The following TJP3 variants were observed in gnomAD, a reference collection of about 807,000 sequenced individuals.
TJP3 encodes tight junction protein ZO-3.
In TJP3, 85 loss-of-function variants were observed where a neutral mutation model predicts 104.2. The observed-to-expected ratio is 0.82, with a 90% CI of 0.68 to 0.98. TJP3 has a LOEUF of 0.98. Ranked by LOEUF, TJP3 falls within the 50% of genes least tolerant of loss-of-function variation. The pLI, the probability that TJP3 is intolerant of heterozygous loss-of-function variation, is 0.00. For synonymous variants in TJP3, 550 were observed against 550.6 expected (o/e 1.00, Z 0.02); for missense variants, 1,367 against 1,322.8 (o/e 1.03, Z -0.52).
At chr19:3,718,212 A>AGTGTGTGTGTGT (rs71339057) in intron 1 of TJP3, among the ~76,000 whole-genome samples, 2 of 48,254 alleles carry the variant, frequency 4.1e-5, no homozygotes, top group Non-Finnish European at 7.7e-5. Flanking sequence ...AAAAAAAAAA[A>AGTGTGTGTGTGT]GTGTGTGTGT....
intron 11 of TJP3, among the ~76,000 whole-genome samples, chr19:3,736,935 G>T (rs1294109674): frequency 6.7e-6 from 1 of 148,826 alleles, no homozygotes; most frequent in African/African-American, 2.5e-5. Flanking sequence ...GCTGGAGTGC[G>T]GGGGTGTGAT....
At chr19:3,734,955 A>T (rs916806536) in intron 8 of TJP3, among the ~76,000 whole-genome samples, 16 of 150,310 alleles carry the variant, frequency 1.1e-4, no homozygotes, top group Non-Finnish European at 1.9e-4. Context: ...ACTCTGTCTT[A>T]AAAAAAAAAA....
At chr19:3,722,199 C>T (rs2036548621) in intron 1 of TJP3, among the ~76,000 whole-genome samples, 1 of 152,204 alleles carries the variant, frequency 6.6e-6, no homozygotes, top group Non-Finnish European at 1.5e-5. Flanking sequence ...CCCGAATTTT[C>T]TGTCCACTAT....
chr19:3,720,001 CTT>C (rs1405666782), intron 1 of TJP3, among the ~76,000 whole-genome samples: 1 of 152,182 alleles, frequency 6.6e-6, no homozygotes, highest in Non-Finnish European at 1.5e-5. Flanking sequence ...CCACCTGACT[CTT>C]CAAAGTTCTG....
chr19:3,733,025 CTCTTTTT>C (rs2036692018), intron 6 of TJP3, among the ~76,000 whole-genome samples: 1 of 108,676 alleles, frequency 9.2e-6, no homozygotes, highest in African/African-American at 3.0e-5. Context: ...CTTTTCTCTT[CTCTTTTT>C]TCTTTTCTTT....
rs1465457503 is a variant in TJP3, at chr19:3,733,776, C to T, written c.741C>T (p.Asn247=). 1 of 1,614,216 alleles carries T rather than the reference C, an allele frequency of 6.2e-7. No individual in the cohort carries two copies. Among genetic ancestry groups the T allele is most frequent in the Non-Finnish European group, 8.5e-7 (1 of 1,180,032 alleles). Residue 247 remains asparagine (N), a synonymous_variant, in exon 7 of 21, where the codon AAC becomes AAT. Coordinates refer to ENST00000541714, the MANE Select transcript of TJP3 (RefSeq NM_001267560.2). ...ILQINGVSSQ[N]LSLNDTRRLI... is the part of the protein sequence containing the mutation. ...AGATCAACGGGGTGTCTAGCCAGAA[C>T]CTGTCACTGAACGACACCCGGCGAC...
intron 1 of TJP3, among the ~76,000 whole-genome samples, chr19:3,727,017 T>A (rs2036603851): frequency 6.6e-6 from 1 of 151,326 alleles, no homozygotes; most frequent in Non-Finnish European, 1.5e-5. Context: ...AGCCTGGGAG[T>A]TCGAGGCTGC....
chr19:3,711,601 T>C (rs1376676452), intron 1 of TJP3, among the ~76,000 whole-genome samples: 2 of 147,028 alleles, frequency 1.4e-5, no homozygotes, highest in South Asian at 2.3e-4. Flanking sequence ...CTCATACAAA[T>C]ACAAAATGAG....
Position 3,746,899 on chromosome 19 carries a change from T to TGGGG in TJP3, c.2322+23_2322+24insGGGG. 1.7e-6 allele frequency: 2 copies of TGGGG among 1,189,384 alleles called. No homozygotes were observed. The highest frequency in any genetic ancestry group is 2.4e-6 in the Non-Finnish European group (2 of 840,168). The allele number at this position is 1,189,384 out of a possible 1,614,324, so 73.7% of individuals were successfully genotyped here. A position where few individuals can be genotyped will look rare whatever the true frequency, so the allele number is the denominator to read the frequency against. On this transcript the variant is annotated intron_variant, in intron 18 of 20. Transcript: ENST00000541714. This position sits in a 1 kb window ranked among gnomAD's most constrained non-coding sequence, Gnocchi z 4.1. ...CAGGTACTGCCGCGGTGTGGGTGGG[T>TGGGG]CGGGCAGGGAGGCCCCACAGACGCT...
chr19:3,722,872 A>G (rs926139479), intron 1 of TJP3, among the ~76,000 whole-genome samples: 33 of 11,416 alleles, frequency 2.9e-3, no homozygotes, highest in East Asian at 6.2e-3. Context: ...GGGGGGGCAC[A>G]GGGGACGGCG....
intron 1 of TJP3, chr19:3,721,726 G>C (rs2036543618): frequency 2.6e-6 from 1 of 380,690 alleles, no homozygotes; most frequent in African/African-American, 2.1e-5. Context: ...AGGAGGAAGA[G>C]GGGCAGGTGC....
intron 3 of TJP3, among the ~76,000 whole-genome samples, chr19:3,729,757 G>T (rs1456637054): frequency 6.7e-6 from 1 of 148,992 alleles, no homozygotes; most frequent in Non-Finnish European, 1.5e-5. Flanking sequence ...AATCCAGCCT[G>T]GGCAACAGAG....
chr19:3,715,086 TTGGTTGG>T (rs2036464538), intron 1 of TJP3, among the ~76,000 whole-genome samples: 1 of 148,188 alleles, frequency 6.7e-6, no homozygotes, highest in Non-Finnish European at 1.5e-5. Context: ...GTTTGTTTGG[TTGGTTGG>T]TTTTTTTTTT....
chr19:3,741,622 C>G (rs2036821396), intron 14 of TJP3, among the ~76,000 whole-genome samples: 1 of 114,834 alleles, frequency 8.7e-6, no homozygotes. Context: ...TTGACACTGT[C>G]TTCAAAAGAA....
At chr19:3,747,694 C>T (rs2036918096) in intron 18 of TJP3, 100 bp from the exon 19 acceptor site, 15 of 1,388,370 alleles carry the variant, frequency 1.1e-5, no homozygotes, top group Non-Finnish European at 1.4e-5. Context: ...CCAGGCTCCT[C>T]GCCTTGATTT....
chr19:3,739,013 G>T lies in TJP3; in HGVS notation c.1510G>T (p.Val504Leu). The T allele has an allele frequency of 6.2e-7, 1 of 1,613,010 alleles. No homozygotes were observed. Among genetic ancestry groups the T allele is most frequent in the Non-Finnish European group, 8.5e-7 (1 of 1,179,790 alleles). ...CTTCACCCGTGGCGACGTCTTCCAC[G>T]TGCTGGACACGCTGCACCCCGGCCC... ...LGFTRGDVFH[V>L]LDTLHPGPGQ... Residue 504 changes from valine (V) to leucine (L), a missense_variant, in exon 13 of 21, where the codon GTG becomes TTG. Coordinates refer to ENST00000541714, the MANE Select transcript of TJP3 (RefSeq NM_001267560.2).
chr19:3,743,909 T>C, intron 14 of TJP3, 30 bp from the exon 15 acceptor site: 4 of 1,607,838 alleles, frequency 2.5e-6, no homozygotes, highest in Non-Finnish European at 3.4e-6. Flanking sequence ...AATGGGACCC[T>C]GATTCTTTCA....
At chr19:3,735,305 T>C (rs1171242293) in intron 8 of TJP3, among the ~76,000 whole-genome samples, 2 of 152,244 alleles carry the variant, frequency 1.3e-5, no homozygotes, top group South Asian at 4.2e-4. Context: ...GTTCAAGCAA[T>C]TCTCCTGCCT....
chr19:3,744,513 A>C (rs1568387575), intron 15 of TJP3, among the ~76,000 whole-genome samples: 1 of 151,932 alleles, frequency 6.6e-6, no homozygotes, highest in Non-Finnish European at 1.5e-5. Flanking sequence ...AAAATACAAA[A>C]ATTAGCTAGG....
Sources: gnomAD v4.1 joint callset for allele counts (sites outside exome capture counted in the v4.1 genomes callset) on GRCh38, gnomAD v4.1.1 for gene constraint, Gnocchi (gnomAD v3.1) non-coding constraint, MANE v1.5 for transcripts, NCBI Gene and HGNC (gene_info 2026-07-23, HGNC 2026-07-21) for gene names.